Variants in LDLRAD4 observed in about 807,000 individuals in gnomAD.
The protein encoded by LDLRAD4 is low-density lipoprotein receptor class A domain-containing protein 4.
In LDLRAD4, 5 loss-of-function variants were observed where a neutral mutation model predicts 17.0. The ratio of observed to expected loss-of-function variants is 0.29; its 90% CI spans 0.15 to 0.62. LDLRAD4 has a LOEUF of 0.62. Ranked by LOEUF, LDLRAD4 falls within the 20% of genes least tolerant of loss-of-function variation. The pLI, the probability that LDLRAD4 is intolerant of heterozygous loss-of-function variation, is 0.84. For missense variants in LDLRAD4, 340 were observed against 424.7 expected (o/e 0.80, Z 1.75); for synonymous variants, 168 against 171.8 (o/e 0.98, Z 0.17).
intron 2 of LDLRAD4, among the ~76,000 whole-genome samples, chr18:13,407,090 C>G (rs939140736): frequency 1.6e-4 from 24 of 152,092 alleles, no homozygotes; most frequent in African/African-American, 5.8e-4. Context: ...GCATTTTAAG[C>G]TTTTCTTTTG....
At chr18:13,585,165 T>C (rs2148483035) in intron 3 of LDLRAD4, among the ~76,000 whole-genome samples, 1 of 152,350 alleles carries the variant, frequency 6.6e-6, no homozygotes, top group Admixed American at 6.5e-5. Context: ...CCAGACAGCC[T>C]GAGTAGCTCA....
intron 1 of LDLRAD4, among the ~76,000 whole-genome samples, chr18:13,251,539 A>T (rs1165223564): frequency 1.9e-4 from 29 of 152,230 alleles, no homozygotes; most frequent in Admixed American, 1.9e-3. Flanking sequence ...AGGATACAAA[A>T]TCACCATACA....
At chr18:13,564,405 T>TC (rs5823262) in intron 3 of LDLRAD4, among the ~76,000 whole-genome samples, 146,832 of 151,836 alleles carry the variant, frequency 0.97, 71,168 homozygotes, top group Non-Finnish European at 1. Context: ...ACTGAAGCCA[T>TC]CCCCAGCGCT....
intron 3 of LDLRAD4, among the ~76,000 whole-genome samples, chr18:13,478,754 T>C (rs1018752130): frequency 6.6e-6 from 1 of 152,242 alleles, no homozygotes; most frequent in African/African-American, 2.4e-5. Flanking sequence ...AGTGAGTTGT[T>C]TTTTGGATAC....
At chr18:13,454,603 A>G (rs2092021162) in intron 3 of LDLRAD4, among the ~76,000 whole-genome samples, 1 of 152,228 alleles carries the variant, frequency 6.6e-6, no homozygotes, top group African/African-American at 2.4e-5. Context: ...ATCTGCTTAC[A>G]GGTGGGTGGC....
At chr18:13,441,415 CCA>C (rs2091013918) in intron 3 of LDLRAD4, among the ~76,000 whole-genome samples, 1 of 152,194 alleles carries the variant, frequency 6.6e-6, no homozygotes, top group African/African-American at 2.4e-5. Context: ...CTATGAAGTG[CCA>C]TGCTTCAGAA....
intron 1 of LDLRAD4, among the ~76,000 whole-genome samples, chr18:13,267,141 G>A (rs2044264949): frequency 6.6e-6 from 1 of 152,216 alleles, no homozygotes; most frequent in African/African-American, 2.4e-5. Flanking sequence ...TTTGCAAAAT[G>A]TACTTTCACT....
At chr18:13,651,260 CTG>C (rs1404599612) in exon 6 of LDLRAD4, 2 of 152,266 alleles carry the variant, frequency 1.3e-5, no homozygotes, top group East Asian at 3.8e-4. Context: ...CTGTGACCGT[CTG>C]TGTCCAAGTC....
intron 3 of LDLRAD4, among the ~76,000 whole-genome samples, chr18:13,534,694 A>C (rs1481359850): frequency 6.6e-6 from 1 of 152,204 alleles, no homozygotes; most frequent in Non-Finnish European, 1.5e-5. Flanking sequence ...CTGAGGTAGA[A>C]TTCACATACT....
intron 1 of LDLRAD4, among the ~76,000 whole-genome samples, chr18:13,339,236 A>T: frequency 6.8e-6 from 1 of 146,896 alleles, no homozygotes. Context: ...TTTAAGACTG[A>T]GTCTTGCTCT....
intron 1 of LDLRAD4, among the ~76,000 whole-genome samples, chr18:13,341,366 A>G (rs2082365014): frequency 6.6e-6 from 1 of 152,108 alleles, no homozygotes; most frequent in South Asian, 2.1e-4. Context: ...ATGAACATGG[A>G]ATGTCTTTTT....
intron 1 of LDLRAD4, among the ~76,000 whole-genome samples, chr18:13,267,762 C>A (rs536737730): frequency 6.6e-6 from 1 of 152,352 alleles, no homozygotes; most frequent in East Asian, 1.9e-4. Context: ...TAAGGATTGT[C>A]CAGCAGCTTT....
In LDLRAD4 at chr18:13,516,122, A is replaced by C. The variant is rs1202002132; in HGVS notation, c.181+77738A>C. The C allele has an allele frequency of 5.3e-5, 8 of 152,218 alleles. No homozygotes were observed. In the East Asian group the frequency reaches 1.3e-3, roughly 26 times the overall value. The allele number at this position is 152,218 out of a possible 1,614,324, so 9.4% of individuals were successfully genotyped here. A position where few individuals can be genotyped will look rare whatever the true frequency, so the allele number is the denominator to read the frequency against. ...GAGCCATTGCACTCGGCCTAAGCTG[A>C]AATGTTTTGGTTCCTAAAAGTGTCC... On this transcript the variant is annotated intron_variant, in intron 3 of 5. Transcript: ENST00000359446.
intron 2 of LDLRAD4, among the ~76,000 whole-genome samples, chr18:13,406,674 A>AG (rs2087784235): frequency 6.6e-6 from 1 of 152,160 alleles, no homozygotes; most frequent in Non-Finnish European, 1.5e-5. Context: ...GGACCTGGAC[A>AG]GGGTGGGAGG....
At chr18:13,364,229 G>A (rs1007488388) in intron 1 of LDLRAD4, among the ~76,000 whole-genome samples, 1 of 152,122 alleles carries the variant, frequency 6.6e-6, no homozygotes, top group African/African-American at 2.4e-5. Flanking sequence ...ATGGGGTTAC[G>A]AGTATTAATG....
chr18:13,526,539 A>G (rs182635071), intron 3 of LDLRAD4: 1 of 152,356 alleles, frequency 6.6e-6, no homozygotes, highest in East Asian at 1.9e-4. Flanking sequence ...TTTTTAAATA[A>G]TGGGCAACAT....
chr18:13,325,166 T>C (rs1163832815), intron 1 of LDLRAD4, among the ~76,000 whole-genome samples: 1 of 152,206 alleles, frequency 6.6e-6, no homozygotes, highest in Non-Finnish European at 1.5e-5. Context: ...CTTGCAGCAA[T>C]CTGTATAGGA....
At chr18:13,226,451 C>T (rs2041810239) in intron 1 of LDLRAD4, among the ~76,000 whole-genome samples, 1 of 151,834 alleles carries the variant, frequency 6.6e-6, no homozygotes, top group African/African-American at 2.4e-5. Flanking sequence ...TAGATTCCCA[C>T]AGAGAAGAGG....
At chr18:13,476,547 C>T (rs1255428952) in intron 3 of LDLRAD4, among the ~76,000 whole-genome samples, 8 of 151,080 alleles carry the variant, frequency 5.3e-5, no homozygotes, top group African/African-American at 1.7e-4. Context: ...TCCCTTGAGC[C>T]CAGGAGATCT....
Sources: gnomAD v4.1 joint callset for allele counts (sites outside exome capture counted in the v4.1 genomes callset) on GRCh38, gnomAD v4.1.1 for gene constraint, MANE v1.5 for transcripts, NCBI Gene and HGNC (gene_info 2026-07-23, HGNC 2026-07-21) for gene names.